Variants in CELF2 observed in about 807,000 individuals in gnomAD.
CELF2 encodes the protein CUG triplet repeat RNA-binding protein 2.
CELF2 carries 8 observed loss-of-function variants against 62.6 expected under a neutral mutation model. The ratio of observed to expected loss-of-function variants is 0.13; its 90% CI spans 0.07 to 0.23. The LOEUF is 0.23. Among genes scored for constraint, CELF2 ranks in the 10% least tolerant of loss-of-function variants. The probability of loss-of-function intolerance (pLI) is 1.00; values close to 1 mark genes in which losing one functional copy is unlikely to be tolerated. For missense variants in CELF2, 333 were observed against 671.0 expected (o/e 0.50, Z 5.56); for synonymous variants, 258 against 250.0 (o/e 1.03, Z -0.30).
the CELF2 span, among the ~76,000 whole-genome samples, chr10:10,706,006 G>C: frequency 1.3e-5 from 2 of 152,130 alleles, no homozygotes; most frequent in African/African-American, 4.8e-5. Context: ...CTACATCCCA[G>C]CCGGACTGAG....
intron 1 of CELF2, among the ~76,000 whole-genome samples, chr10:11,164,525 T>C (rs1297060860): frequency 6.6e-6 from 1 of 152,176 alleles, no homozygotes; most frequent in Non-Finnish European, 1.5e-5. Flanking sequence ...AGACTTTCTT[T>C]TTTTCTCTCC....
At chr10:10,558,430 G>A in the CELF2 span, among the ~76,000 whole-genome samples, 7 of 152,134 alleles carry the variant, frequency 4.6e-5, no homozygotes, top group South Asian at 2.1e-4. Flanking sequence ...TGCTGGATTC[G>A]TTTTGCCAGT....
At chr10:10,496,801 GA>G in the CELF2 span, among the ~76,000 whole-genome samples, 4,087 of 152,164 alleles carry the variant, frequency 0.027, 178 homozygotes, top group African/African-American at 0.095. Context: ...AAACCCATGA[GA>G]AGTTTGGGGG....
intron 1 of CELF2, among the ~76,000 whole-genome samples, chr10:11,115,689 G>C (rs2056409133): frequency 6.6e-6 from 1 of 152,154 alleles, no homozygotes; most frequent in African/African-American, 2.4e-5. Context: ...GCTGACACTT[G>C]ACAGAACTAC....
chr10:10,531,151 T>A, the CELF2 span, among the ~76,000 whole-genome samples: 1 of 152,228 alleles, frequency 6.6e-6, no homozygotes, highest in South Asian at 2.1e-4. Context: ...ACATTTGAAT[T>A]GGCATCCGCT....
the CELF2 span, among the ~76,000 whole-genome samples, chr10:10,763,360 C>T: frequency 6.6e-6 from 1 of 152,294 alleles, no homozygotes; most frequent in South Asian, 2.1e-4. Flanking sequence ...TGGTCTGTGA[C>T]ATACATTTGA....
At chr10:10,651,878 C>T in the CELF2 span, among the ~76,000 whole-genome samples, 1 of 150,556 alleles carries the variant, frequency 6.6e-6, no homozygotes, top group African/African-American at 2.4e-5. Context: ...TGGAGAATGA[C>T]TTTGACGAGC....
chr10:10,612,475 A>G, the CELF2 span, among the ~76,000 whole-genome samples: 1 of 152,194 alleles, frequency 6.6e-6, no homozygotes, highest in Admixed American at 6.5e-5. Context: ...ACAGAAACAT[A>G]CAGGCCAGAG....
At chr10:11,222,338 C>A (rs1039303152) in intron 3 of CELF2, among the ~76,000 whole-genome samples, 3 of 152,134 alleles carry the variant, frequency 2.0e-5, no homozygotes, top group Non-Finnish European at 4.4e-5. Context: ...ATTATTTTTG[C>A]CATAAAATCT....
At chr10:10,898,740 T>C (rs2062735699) in intron 1 of CELF2, among the ~76,000 whole-genome samples, 1 of 152,172 alleles carries the variant, frequency 6.6e-6, no homozygotes, top group African/African-American at 2.4e-5. Flanking sequence ...TATAAAAGAT[T>C]TGAACAACCC....
the CELF2 span, among the ~76,000 whole-genome samples, chr10:10,476,424 T>C: frequency 2.0e-5 from 3 of 152,146 alleles, no homozygotes; most frequent in Admixed American, 6.6e-5. Flanking sequence ...AGTATTATGA[T>C]GTCTATTCAC....
chr10:10,622,327 G>A, the CELF2 span, among the ~76,000 whole-genome samples: 1 of 152,132 alleles, frequency 6.6e-6, no homozygotes, highest in Non-Finnish European at 1.5e-5. Context: ...GCCAAGGTTA[G>A]GCCAGGTATG....
intron 1 of CELF2, among the ~76,000 whole-genome samples, chr10:10,815,599 T>C (rs1016029315): frequency 2.6e-5 from 4 of 152,246 alleles, no homozygotes; most frequent in Non-Finnish European, 5.9e-5. Flanking sequence ...AACTAGTTTG[T>C]TGTATTTTGG....
the CELF2 span, among the ~76,000 whole-genome samples, chr10:10,516,991 A>G: frequency 2.0e-5 from 3 of 152,138 alleles, no homozygotes; most frequent in African/African-American, 7.2e-5. Flanking sequence ...GTAGGATCCC[A>G]CGCATCACCT....
chr10:10,520,140 A>G, the CELF2 span, among the ~76,000 whole-genome samples: 1 of 152,222 alleles, frequency 6.6e-6, no homozygotes, highest in Non-Finnish European at 1.5e-5. Flanking sequence ...TTTTTAAGTG[A>G]AACATTAGAT....
the CELF2 span, among the ~76,000 whole-genome samples, chr10:10,591,115 G>T: frequency 6.6e-6 from 1 of 152,010 alleles, no homozygotes; most frequent in African/African-American, 2.4e-5. Flanking sequence ...TCTAAAAAAA[G>T]TGATTTCGTC....
At chr10:10,516,632 T>G in the CELF2 span, among the ~76,000 whole-genome samples, 1 of 152,034 alleles carries the variant, frequency 6.6e-6, no homozygotes, top group East Asian at 1.9e-4. Flanking sequence ...CTCATTTTAC[T>G]GGCAAAAGAA....
chr10:11,128,632 T>C (rs557784044), intron 1 of CELF2, among the ~76,000 whole-genome samples: 1 of 152,232 alleles, frequency 6.6e-6, no homozygotes, highest in East Asian at 1.9e-4. Flanking sequence ...TTATTCTCTT[T>C]GAAGCAATTG....
chr10:10,819,152 A>G (rs2056749545), intron 1 of CELF2, among the ~76,000 whole-genome samples: 1 of 152,228 alleles, frequency 6.6e-6, no homozygotes, highest in Admixed American at 6.5e-5. Flanking sequence ...GCTGTTCAGT[A>G]TACCTCTCAA....
Sources: allele counts gnomAD v4.1 joint callset (sites outside exome capture counted in the v4.1 genomes callset), GRCh38; gene constraint gnomAD v4.1.1; transcripts MANE v1.5; gene names NCBI Gene and HGNC (gene_info 2026-07-23, HGNC 2026-07-21).